Variants in BCAP31 observed in about 807,000 individuals in gnomAD.
BCAP31 encodes the protein B cell receptor associated protein 31.
For synonymous variants in BCAP31, 75 were observed against 80.9 expected (o/e 0.93, Z 0.39); for missense variants, 124 against 193.0 (o/e 0.64, Z 2.12).
chrX:153,711,552 G>A (rs1240992899), intron 4 of BCAP31, among the ~76,000 whole-genome samples: 1 of 112,082 alleles, frequency 8.9e-6, no homozygotes, highest in African/African-American at 3.2e-5. Flanking sequence ...ACCTGCTCGC[G>A]CCATGAGTAC....
At chrX:153,718,249 C>T (rs1170242619) in intron 3 of BCAP31, among the ~76,000 whole-genome samples, 3 of 95,446 alleles carry the variant, frequency 3.1e-5, no homozygotes, top group African/African-American at 1.2e-4. Context: ...ACCTGGGAGG[C>T]GGAGGTTGCA....
intron 4 of BCAP31, among the ~76,000 whole-genome samples, chrX:153,706,344 C>G (rs1428812626): frequency 1.8e-5 from 2 of 112,361 alleles, no homozygotes; most frequent in Non-Finnish European, 3.8e-5. Context: ...CCTGGAGTCA[C>G]CCTGCCCAAG....
Position 153,700,843 on chromosome X carries a change from A to C in BCAP31, c.*94T>G. The C allele has an allele frequency of 3.7e-5, 34 of 921,538 alleles. No homozygotes were observed. Among genetic ancestry groups the C allele is most frequent in the Non-Finnish European group, 5.2e-5 (34 of 647,884 alleles). 75.9% of individuals were successfully genotyped at this position (921,538 alleles called of 1,213,427 possible). On this transcript the variant is annotated 3_prime_UTR_variant, in exon 8 of 8. Coordinates refer to ENST00000345046, the MANE Select transcript of BCAP31 (RefSeq NM_001256447.2). ...GGGAATGGGGGAAGCAGAAGGGCAC[A>C]AACAGAAGTACTGGAGGGAGAGGCC...
At chrX:153,719,190 G>A (rs782645698) in intron 3 of BCAP31, among the ~76,000 whole-genome samples, 1 of 111,609 alleles carries the variant, frequency 9.0e-6, no homozygotes, top group South Asian at 3.8e-4. Context: ...ACTCCTTCTG[G>A]TTTGGGGAAG....
At chrX:153,713,881 C>CTTTTTT (rs1209475410) in intron 4 of BCAP31, among the ~76,000 whole-genome samples, 114 of 63,472 alleles carry the variant, frequency 1.8e-3, no homozygotes, top group African/African-American at 2.5e-3. Context: ...CGATACTATT[C>CTTTTTT]TTTTTTTTTT....
intron 1 of BCAP31, chrX:153,723,750 A>T: frequency 9.5e-7 from 1 of 1,053,721 alleles, no homozygotes; most frequent in Non-Finnish European, 1.3e-6. Flanking sequence ...GGCAGGCCCA[A>T]GGCCGCACCT....
intron 4 of BCAP31, among the ~76,000 whole-genome samples, chrX:153,708,597 T>C (rs1238447244): frequency 1.8e-5 from 2 of 112,838 alleles, no homozygotes; most frequent in Non-Finnish European, 3.8e-5. Flanking sequence ...CAGTGGACTC[T>C]GGGTGAACAC....
At chrX:153,719,542 C>T (rs1488366894) in intron 3 of BCAP31, among the ~76,000 whole-genome samples, 1 of 111,565 alleles carries the variant, frequency 9.0e-6, no homozygotes, top group African/African-American at 3.3e-5. Flanking sequence ...TCTGAGACAT[C>T]AGGAAGGAGA....
intron 3 of BCAP31, among the ~76,000 whole-genome samples, chrX:153,716,760 G>A (rs1261582914): frequency 4.5e-5 from 5 of 110,921 alleles, no homozygotes; most frequent in African/African-American, 6.6e-5. Flanking sequence ...ACTCTGTCTC[G>A]AAAAAGCCAA....
At chrX:153,723,805 C>A in intron 1 of BCAP31, 1 of 813,259 alleles carries the variant, frequency 1.2e-6, no homozygotes, top group Non-Finnish European at 1.7e-6. Flanking sequence ...GTCCCCACGG[C>A]GCCCGCGGAG....
intron 5 of BCAP31, among the ~76,000 whole-genome samples, 153 bp downstream of exon 5, chrX:153,703,806 G>C (rs2091535319): frequency 8.9e-6 from 1 of 112,356 alleles, no homozygotes; most frequent in South Asian, 3.7e-4. Context: ...TCTCCCCACT[G>C]AGGACTTCCC....
intron 4 of BCAP31, among the ~76,000 whole-genome samples, chrX:153,704,618 C>T (rs2091542356): frequency 8.9e-6 from 1 of 112,057 alleles, no homozygotes; most frequent in African/African-American, 3.2e-5. Context: ...GTACCCAAGG[C>T]CAAAAACCAG....
chrX:153,710,584 A>C (rs1259240488), intron 4 of BCAP31, among the ~76,000 whole-genome samples: 2 of 112,099 alleles, frequency 1.8e-5, no homozygotes, highest in East Asian at 5.6e-4. Flanking sequence ...AAAGCTCAGA[A>C]GGCTTTGGCT....
chrX:153,721,114 A>G (rs1484674101), intron 2 of BCAP31, 142 bp from the exon 3 acceptor site: 5 of 480,360 alleles, frequency 1.0e-5, no homozygotes, highest in South Asian at 1.0e-4. Flanking sequence ...GTGGCTTGCA[A>G]TTCTCTAATT....
At chrX:153,711,897 T>A (rs1169493688) in intron 4 of BCAP31, among the ~76,000 whole-genome samples, 2 of 59,195 alleles carry the variant, frequency 3.4e-5, no homozygotes, top group African/African-American at 5.7e-5. Context: ...ACAGAGAGAC[T>A]CTGTCTCAAA....
intron 5 of BCAP31, 150 bp from the exon 6 acceptor site, chrX:153,703,208 C>T: frequency 1.1e-6 from 1 of 890,935 alleles, no homozygotes; most frequent in Non-Finnish European, 1.6e-6. Flanking sequence ...ACCACTTGCT[C>T]CCAGCTCCTA....
rs1307019041 is a variant in BCAP31 at position 153,703,961 on chromosome X, T to C, written c.475A>G (p.Lys159Glu). Residue 159 changes from lysine (K) to glutamate (E), a missense_variant and splice_region_variant, in exon 5 of 8, where the codon AAG (lysine) becomes GAG (glutamate). Physicochemically the swap from Lys to Glu is moderately conservative, Grantham distance 56 (BLOSUM62 1). Coordinates refer to ENST00000345046, the MANE Select transcript of BCAP31 (RefSeq NM_001256447.2). ...GTGGGTCGGGAAGCTGGGCTCACCT[T>C]CTTGAGCTGGTCATTCTCCTCCATG... is the stretch of plus-strand genomic sequence containing the variant. ...KYMEENDQLK[K>E]GAAVDGGKLD... is the part of the protein sequence containing the mutation. 8 of 1,209,237 alleles carry C rather than the reference T, an allele frequency of 6.6e-6. No homozygotes were observed. In the African/African-American group the frequency reaches 1.2e-4, roughly 19 times the overall value.
At chrX:153,721,604 T>C (rs2091667380) in intron 2 of BCAP31, among the ~76,000 whole-genome samples, 1 of 104,018 alleles carries the variant, frequency 9.6e-6, no homozygotes, top group Non-Finnish European at 2.0e-5. Flanking sequence ...ACGTGGGCAG[T>C]TGGCTGGGCG....
chrX:153,715,487 C>T, intron 4 of BCAP31, 55 bp downstream of exon 4: 2 of 1,190,982 alleles, frequency 1.7e-6, no homozygotes, highest in Admixed American at 2.2e-5. Context: ...GCTCGGTGTC[C>T]ATGGCTAGCC....
Sources: allele counts gnomAD v4.1 joint callset (sites outside exome capture counted in the v4.1 genomes callset), GRCh38; gene constraint gnomAD v4.1.1; transcripts MANE v1.5; gene names NCBI Gene and HGNC (gene_info 2026-07-23, HGNC 2026-07-21).